Variants in CAMTA1 observed in about 807,000 individuals in gnomAD.
The protein encoded by CAMTA1 is calmodulin binding transcription activator 1.
A neutral mutation model predicts 170.9 loss-of-function variants in CAMTA1; 27 were observed. That is an observed-to-expected ratio of 0.16 (90% CI 0.12 to 0.22). The LOEUF is 0.22. Among genes scored for constraint, CAMTA1 ranks in the 10% least tolerant of loss-of-function variants. CAMTA1 has a pLI of 1.00. For missense variants in CAMTA1, 1,619 were observed against 2,217.2 expected (o/e 0.73, Z 5.42); for synonymous variants, 833 against 891.5 (o/e 0.93, Z 1.17).
intron 11 of CAMTA1, among the ~76,000 whole-genome samples, chr1:7,688,251 T>C (rs2013316): frequency 0.49 from 73,826 of 151,772 alleles, 18,128 homozygotes; most frequent in East Asian, 0.65. Flanking sequence ...GTGATCCACC[T>C]GCCTCGGCCT....
intron 4 of CAMTA1, among the ~76,000 whole-genome samples, chr1:7,109,264 C>G (rs1241776844): frequency 1.3e-5 from 2 of 152,206 alleles, no homozygotes; most frequent in African/African-American, 4.8e-5. Flanking sequence ...CTTCCAGGAG[C>G]AGGAGTCATT....
At chr1:7,733,063 G>A (rs759025203) in intron 12 of CAMTA1, among the ~76,000 whole-genome samples, 14 of 152,130 alleles carry the variant, frequency 9.2e-5, no homozygotes, top group Admixed American at 2.6e-4. Context: ...TTAGCCAGGC[G>A]TGGTGGGACA....
intron 9 of CAMTA1, among the ~76,000 whole-genome samples, chr1:7,669,737 CT>C (rs1160966320): frequency 6.6e-6 from 1 of 152,164 alleles, no homozygotes; most frequent in Non-Finnish European, 1.5e-5. Context: ...GATGGCGCCT[CT>C]GGGGTGGGTC....
At chr1:7,254,602 A>G (rs1344515106) in intron 5 of CAMTA1, among the ~76,000 whole-genome samples, 1 of 152,166 alleles carries the variant, frequency 6.6e-6, no homozygotes, top group Non-Finnish European at 1.5e-5. Context: ...TAATGAGGTT[A>G]TGTTTTGAGA....
At chr1:7,220,016 G>A (rs765068578) in intron 4 of CAMTA1, among the ~76,000 whole-genome samples, 17 of 152,148 alleles carry the variant, frequency 1.1e-4, no homozygotes, top group East Asian at 1.9e-4. Flanking sequence ...CAGACTTCCC[G>A]TCTCCAGACC....
intron 3 of CAMTA1, among the ~76,000 whole-genome samples, chr1:7,035,719 A>G (rs1703492411): frequency 6.6e-6 from 1 of 152,206 alleles, no homozygotes; most frequent in African/African-American, 2.4e-5. Flanking sequence ...TGCAGACCAT[A>G]TTTGGAGAAC....
rs1222208130 is a variant in CAMTA1, at chr1:7,347,769, G to T, written c.438+98143G>T. 2.0e-5 allele frequency among the ~76,000 whole-genome samples: 3 copies of T among 152,030 alleles called. No homozygotes were observed. The East Asian group carries it at 5.8e-4, about 30-fold the overall frequency. The stretch of plus-strand genomic sequence containing the variant: ...CGTCCCTGCATCCTCCCCAGCCTCT[G>T]CCTCCATCCTCACTTGGCAGTGTTC... On this transcript the variant is annotated intron_variant, in intron 5 of 22. Transcript: ENST00000303635.
At chr1:7,116,556 T>C (rs1644338852) in intron 4 of CAMTA1, among the ~76,000 whole-genome samples, 1 of 152,172 alleles carries the variant, frequency 6.6e-6, no homozygotes, top group African/African-American at 2.4e-5. Context: ...CCCCCAATAT[T>C]TTACAGCTGA....
chr1:6,862,781 C>T (rs1665224827), intron 3 of CAMTA1, among the ~76,000 whole-genome samples: 1 of 152,194 alleles, frequency 6.6e-6, no homozygotes, highest in South Asian at 2.1e-4. Flanking sequence ...CAGAGCTTGA[C>T]CCTGGGCCTT....
At chr1:7,687,987 G>A (rs1203086502) in intron 11 of CAMTA1, among the ~76,000 whole-genome samples, 1 of 145,130 alleles carries the variant, frequency 6.9e-6, no homozygotes, top group South Asian at 2.2e-4. Flanking sequence ...CTCCTAAATC[G>A]ATTACGTCGG....
chr1:6,820,147 G>C (rs1160794946), intron 1 of CAMTA1, 34 bp from the exon 2 acceptor site: 2 of 1,245,830 alleles, frequency 1.6e-6, no homozygotes, highest in Admixed American at 1.7e-5. Flanking sequence ...CTTTTTGAAA[G>C]ATTAGTTTTA....
intron 3 of CAMTA1, among the ~76,000 whole-genome samples, chr1:7,036,405 C>A (rs1465846152): frequency 6.6e-6 from 1 of 152,232 alleles, no homozygotes; most frequent in Non-Finnish European, 1.5e-5. Context: ...CGATTATTAT[C>A]ATAGTGCTAA....
Position 7,635,751 on chromosome 1 carries a change from C to G in CAMTA1, c.511-4649C>G, listed in dbSNP as rs1459728688. ...GCCCATCTCGCCACCAGCAAAGCAG[C>G]TCAGCAAGGACTCTGACACCGTTAT... On this transcript the variant is annotated intron_variant, in intron 6 of 22. Transcript: ENST00000303635. This position sits in a 1 kb window ranked among gnomAD's most constrained non-coding sequence, Gnocchi z 4.4. Among the ~76,000 whole-genome samples the G allele has an allele frequency of 6.6e-6, 1 of 152,164 alleles. No individual in the cohort carries two copies. Among genetic ancestry groups the G allele is most frequent in the Non-Finnish European group, 1.5e-5 (1 of 68,026 alleles).
intron 5 of CAMTA1, among the ~76,000 whole-genome samples, chr1:7,446,365 T>C (rs1186898480): frequency 6.6e-6 from 1 of 152,166 alleles, no homozygotes. Flanking sequence ...AACAGATCCT[T>C]AGGTAAATAT....
chr1:7,454,678 G>C (rs1159433051), intron 5 of CAMTA1, among the ~76,000 whole-genome samples: 1 of 152,056 alleles, frequency 6.6e-6, no homozygotes, highest in Non-Finnish European at 1.5e-5. Flanking sequence ...CCCCCGCTTC[G>C]TCCTACTCAG....
At chr1:7,492,424 T>C (rs1264228479) in intron 6 of CAMTA1, among the ~76,000 whole-genome samples, 2 of 151,916 alleles carry the variant, frequency 1.3e-5, no homozygotes, top group Non-Finnish European at 2.9e-5. Context: ...TGAGCAAGGG[T>C]GCTCTATGCC....
At position 7,640,550 on chromosome 1, in the gene CAMTA1, A is replaced by G; in HGVS notation, c.661A>G (p.Met221Val). Residue 221 changes from methionine (M) to valine (V), a missense_variant, in exon 7 of 23, where the codon ATG becomes GTG. Met to Val is a conservative substitution (Grantham distance 21). Transcript: ENST00000303635. ...AGAGCTCATCGGGCAGCTGAAACCC[A>G]TGTGTGAGTGGCCTTGGCCGGCCTG... ...KEELIGQLKP[M>V]FHGIKWTCSN... The G allele has an allele frequency of 6.2e-7, 1 of 1,614,146 alleles. No individual in the cohort carries two copies. Among genetic ancestry groups the G allele is most frequent in the Non-Finnish European group, 8.5e-7 (1 of 1,180,006 alleles).
chr1:6,812,560 T>TA (rs1008540444), intron 1 of CAMTA1, among the ~76,000 whole-genome samples: 1 of 152,242 alleles, frequency 6.6e-6, no homozygotes, highest in Non-Finnish European at 1.5e-5. Flanking sequence ...CAGTTTTTTT[T>TA]ACTGAATGTA....
At chr1:7,378,383 AC>A (rs2087008219) in intron 5 of CAMTA1, among the ~76,000 whole-genome samples, 2 of 152,378 alleles carry the variant, frequency 1.3e-5, no homozygotes, top group Admixed American at 6.5e-5. Context: ...AGAGGAATAA[AC>A]AAAATGTGCT....
Sources: gnomAD v4.1 joint callset for allele counts (sites outside exome capture counted in the v4.1 genomes callset) on GRCh38, gnomAD v4.1.1 for gene constraint, Gnocchi (gnomAD v3.1) non-coding constraint, MANE v1.5 for transcripts, NCBI Gene and HGNC (gene_info 2026-07-23, HGNC 2026-07-21) for gene names.